ESCO2: variants seen among roughly 807,000 people sequenced by gnomAD.
ESCO2 encodes N-acetyltransferase ESCO2.
ESCO2 carries 51 observed loss-of-function variants against 61.7 expected under a neutral mutation model. That is an observed-to-expected ratio of 0.83 (90% confidence interval 0.66 to 1.04). The LOEUF is 1.04. Among genes scored for constraint, ESCO2 ranks in the 50% least tolerant of loss-of-function variants. The pLI, the probability that ESCO2 is intolerant of heterozygous loss-of-function variation, is 0.00. For synonymous variants in ESCO2, 230 were observed against 238.2 expected (o/e 0.97, Z 0.32); for missense variants, 692 against 686.2 (o/e 1.01, Z -0.09).
At chr8:27,778,180 G>A (rs1340773409) in intron 3 of ESCO2, 1 of 152,202 alleles carries the variant, frequency 6.6e-6, no homozygotes, top group Non-Finnish European at 1.5e-5. Flanking sequence ...ATCAGGCTGA[G>A]TATCATACCA....
intron 1 of ESCO2, among the ~76,000 whole-genome samples, chr8:27,775,182 G>A (rs951953871): frequency 6.6e-6 from 1 of 152,188 alleles, no homozygotes; most frequent in African/African-American, 2.4e-5. Flanking sequence ...CTAGGAAAAT[G>A]GCAGAGGACT....
intron 7 of ESCO2, among the ~76,000 whole-genome samples, chr8:27,790,380 A>G (rs1430783838): frequency 3.3e-5 from 5 of 152,206 alleles, no homozygotes. Context: ...CACAGAATGC[A>G]AAAGTATATC....
At chr8:27,788,477 A>G (rs989898193) in intron 6 of ESCO2, among the ~76,000 whole-genome samples, 1 of 152,102 alleles carries the variant, frequency 6.6e-6, no homozygotes, top group African/African-American at 2.4e-5. Flanking sequence ...TGTCCATTCA[A>G]ATAATTCCCT....
At chr8:27,786,860 G>GTTTTT (rs11305883) in intron 5 of ESCO2, among the ~76,000 whole-genome samples, 1 of 122,182 alleles carries the variant, frequency 8.2e-6, no homozygotes, top group Admixed American at 8.5e-5. Context: ...TGGTACTAGG[G>GTTTTT]TTTTTTTTTT....
Position 27,803,389 on chromosome 8 carries a change from C to A in ESCO2, c.1757C>A (p.Thr586Asn). ...DPTPDGKLFA[T>N]KYCNTPNFLV... is the part of the protein sequence containing the mutation. ...ACACCAGATGGCAAGTTATTTGCAA[C>A]CAAGTACTGCAACACCCCTAATTTC... Residue 586 changes from threonine to asparagine, a missense_variant, in exon 11 of 11, where the codon ACC becomes AAC. Transcript: ENST00000305188. The A allele has an allele frequency of 6.2e-7, 1 of 1,613,764 alleles. No individual in the cohort carries two copies. Among genetic ancestry groups the A allele is most frequent in the Non-Finnish European group, 8.5e-7 (1 of 1,179,800 alleles).
downstream of ESCO2, among the ~76,000 whole-genome samples, chr8:27,816,123 T>A (rs1712711518): frequency 6.6e-6 from 1 of 152,012 alleles, no homozygotes; most frequent in South Asian, 2.1e-4. Flanking sequence ...TAGACTAGGT[T>A]AAGGGCCACT....
chr8:27,787,973 A>C lies in ESCO2; in HGVS notation c.1102A>C (p.Ser368Arg). The change falls in exon 6 of 11, where the codon AGT becomes CGT. Residue 368 changes from serine to arginine, a missense_variant. Physicochemically the swap from Ser to Arg is moderately radical, Grantham distance 110. Transcript: ENST00000305188. Reference sequence around the variant, plus strand: ...GAAAAATACTAATACCAGAGATACAAGTAAAAAAACAAAAGACCAGCTCAT... The same window carrying C: ...GAAAAATACTAATACCAGAGATACACGTAAAAAAACAAAAGACCAGCTCAT... Reference protein sequence around the residue: ...IQKNTNTRDTSKKTKDQLIID... With the variant: ...IQKNTNTRDTRKKTKDQLIID... The C allele has an allele frequency of 6.2e-7, 1 of 1,613,452 alleles. No individual in the cohort carries two copies. The highest frequency in any genetic ancestry group is 8.5e-7 in the Non-Finnish European group (1 of 1,179,544).
chr8:27,812,769 G>T (rs201311735), downstream of ESCO2: 9 of 152,248 alleles, frequency 5.9e-5, no homozygotes, highest in East Asian at 1.7e-3. Context: ...ACCACAATGA[G>T]ATACCATCTC....
intron 6 of ESCO2, among the ~76,000 whole-genome samples, chr8:27,788,565 C>T (rs1469322016): frequency 6.6e-6 from 1 of 152,024 alleles, no homozygotes; most frequent in Non-Finnish European, 1.5e-5. Flanking sequence ...CACCATGTCG[C>T]CCAGACTGGT....
intron 2 of ESCO2, 123 bp downstream of exon 2, chr8:27,775,690 C>T: frequency 4.9e-6 from 4 of 824,496 alleles, no homozygotes; most frequent in Admixed American, 1.9e-5. Context: ...ACAGTGATAA[C>T]CTGATAACCT....
At chr8:27,789,922 A>G (rs564717153) in intron 7 of ESCO2, among the ~76,000 whole-genome samples, 7 of 152,318 alleles carry the variant, frequency 4.6e-5, no homozygotes, top group African/African-American at 1.7e-4. Context: ...TATAAAATAC[A>G]TACAAAAGAG....
At chr8:27,775,109 G>T (rs151005895) in intron 1 of ESCO2, among the ~76,000 whole-genome samples, 30 of 152,328 alleles carry the variant, frequency 2.0e-4, no homozygotes, top group South Asian at 1.7e-3. Flanking sequence ...GTTTTCAGCA[G>T]CCTTACGACT....
downstream of ESCO2, among the ~76,000 whole-genome samples, chr8:27,811,688 C>CCATT (rs1805687424): frequency 2.0e-5 from 3 of 152,210 alleles, no homozygotes; most frequent in South Asian, 6.2e-4. Flanking sequence ...AAAAAGCCAG[C>CCATT]TAAAATTCTC....
At chr8:27,772,169 G>C (rs1804644714), upstream of ESCO2, 1 of 404,878 alleles carries the variant, frequency 2.5e-6, no homozygotes, top group Non-Finnish European at 4.5e-6. Flanking sequence ...GCAGATGGAA[G>C]GTGGGAAGAA....
At chr8:27,807,981 A>G (rs1805595854), downstream of ESCO2, among the ~76,000 whole-genome samples, 1 of 152,160 alleles carries the variant, frequency 6.6e-6, no homozygotes, top group South Asian at 2.1e-4. Context: ...TACCATCTTG[A>G]TCTTGGACTT....
At chr8:27,780,100 TCTG>T (rs1317101898) in intron 3 of ESCO2, 71 bp from the exon 4 acceptor site, 1 of 837,336 alleles carries the variant, frequency 1.2e-6, no homozygotes, top group Non-Finnish European at 2.0e-6. Context: ...TAGAAATAGA[TCTG>T]CTGGGATTCA....
downstream of ESCO2, among the ~76,000 whole-genome samples, chr8:27,813,369 A>G (rs1005113796): frequency 1.3e-5 from 2 of 152,140 alleles, no homozygotes; most frequent in Non-Finnish European, 2.9e-5. Flanking sequence ...GTAAATGACT[A>G]GTTAATGGGT....
At position 27,792,056 on chromosome 8, in the gene ESCO2, T is replaced by C. The variant is rs1805188928; in HGVS notation, c.1353+4T>C. 1.2e-6 allele frequency: 2 copies of C among 1,613,732 alleles called. No individual in the cohort carries two copies. Among genetic ancestry groups the C allele is most frequent in the Non-Finnish European group, 1.7e-6 (2 of 1,179,638 alleles). ...TCCAAGCTTTGCTATCAAAAAGGTA[T>C]GGAACATTATCTTTTTATCTCTTGC... On this transcript the variant is annotated splice_donor_region_variant and intron_variant, in intron 8 of 10. Transcript: ENST00000305188.
In ESCO2 at chr8:27,776,719, C is replaced by CA. The variant is rs80359848; in HGVS notation, c.417dup (p.Pro140ThrfsTer8). 3 of 1,613,692 alleles carry CA rather than the reference C, an allele frequency of 1.9e-6. No individual in the cohort carries two copies. Among genetic ancestry groups the CA allele is most frequent in the South Asian group, 2.2e-5 (2 of 91,080 alleles). On this transcript the variant is annotated frameshift_variant, in exon 3 of 11. Coordinates refer to ENST00000305188, the MANE Select transcript of ESCO2 (RefSeq NM_001017420.3). LOFTEE classifies it high-confidence loss of function. ...AACCAGTCTGCTCCAAGAAGAACAA[C>CA]AAAAAACCACAGAAGAGTTTAACTG... is the stretch of plus-strand genomic sequence containing the variant.
Sources: allele counts gnomAD v4.1 joint callset (sites outside exome capture counted in the v4.1 genomes callset), GRCh38; gene constraint gnomAD v4.1.1; transcripts MANE v1.5; gene names NCBI Gene and HGNC (gene_info 2026-07-23, HGNC 2026-07-21).